IARS1: variants seen among roughly 807,000 people sequenced by gnomAD.
IARS1 encodes isoleucyl-tRNA synthetase 1.
A neutral mutation model predicts 168.2 loss-of-function variants in IARS1; 124 were observed. The ratio of observed to expected loss-of-function variants is 0.74; its 90% CI spans 0.64 to 0.86. The LOEUF is 0.86. Ranked by LOEUF, IARS1 falls within the 40% of genes least tolerant of loss-of-function variation. The probability of loss-of-function intolerance (pLI) is 0.00; values close to 1 mark genes in which losing one functional copy is unlikely to be tolerated. For missense variants in IARS1, 1,452 were observed against 1,515.8 expected (o/e 0.96, Z 0.70); for synonymous variants, 532 against 529.4 (o/e 1.00, Z -0.07).
At chr9:92,255,111 C>T (rs1378033032) in intron 20 of IARS1, among the ~76,000 whole-genome samples, 1 of 152,204 alleles carries the variant, frequency 6.6e-6, no homozygotes, top group Non-Finnish European at 1.5e-5. Flanking sequence ...GGGCAGCACT[C>T]AGCCTCACAC....
rs533775614 is a variant in IARS1 at position 92,249,765 on chromosome 9, A to T, written c.2616+93T>A. 3 of 630,206 alleles carry T rather than the reference A, an allele frequency of 4.8e-6. No homozygotes were observed. The African/African-American group carries it at 5.6e-5, about 12-fold the overall frequency. The allele number at this position is 630,206 out of a possible 1,614,324, so 39.0% of individuals were successfully genotyped here. A position where few individuals can be genotyped will look rare whatever the true frequency, so the allele number is the denominator to read the frequency against. ...TTGTTATGACTATACTAATAAAAAT[A>T]AATTATAGAGTCAATATGTACTTTG... On this transcript the variant is annotated intron_variant, in intron 25 of 33. Coordinates refer to ENST00000443024, the MANE Select transcript of IARS1 (RefSeq NM_002161.6).
rs1273365554 is a variant in IARS1, at chr9:92,265,513, G to C, written c.1472C>G (p.Ser491Ter). ...IGSVAELEEL[S>*]GAKISDLHRE... ...GTGGAGATCTGAGATCTTTGCTCCT[G>C]ACAGTTCTTCAAGTTCCGCCACTGA... is the stretch of plus-strand genomic sequence containing the variant. The change falls in exon 15 of 34, where the codon TCA becomes TGA. Residue 491 changes from serine (S) to a stop codon, truncating the protein, a stop_gained. Coordinates refer to ENST00000443024, the MANE Select transcript of IARS1 (RefSeq NM_002161.6). LOFTEE classifies it high-confidence loss of function. The C allele has an allele frequency of 7.4e-6, 12 of 1,613,354 alleles. No homozygotes were observed. The highest frequency in any genetic ancestry group is 9.3e-6 in the Non-Finnish European group (11 of 1,179,756).
rs779315915 is a variant in IARS1 at position 92,251,877 on chromosome 9, A to C, written c.2238T>G (p.Asn746Lys). ...GGGCCATGACACAATCCTCCATCCC[A>C]TTTTCACCCTAATGAGTAAAAAGGA... ...RMNRRRLKGE[N>K]GMEDCVMALE... Residue 746 changes from asparagine (N) to lysine (K), a missense_variant, in exon 22 of 34, where the codon AAT becomes AAG. Transcript: ENST00000443024. 6.2e-7 allele frequency: 1 copy of C among 1,610,788 alleles called. No individual in the cohort carries two copies. Among genetic ancestry groups the C allele is most frequent in the East Asian group, 2.2e-5 (1 of 44,868 alleles).
At chr9:92,211,320 G>A (rs1234187633) in intron 33 of IARS1, among the ~76,000 whole-genome samples, 4 of 152,048 alleles carry the variant, frequency 2.6e-5, no homozygotes, top group Admixed American at 1.3e-4. Context: ...TAAGGGATGA[G>A]AGGAAGAAAC....
rs569990340 is a variant in IARS1 at position 92,243,494 on chromosome 9, CCT to C, written c.2905-185_2905-184del. ...AGGTACTTCTTCATAATCAGCTAGTCCTCTGTCTCTGGAGAAAGGTGTGCAGG... is the reference window on the plus strand; with the variant it reads ...AGGTACTTCTTCATAATCAGCTAGTCCTGTCTCTGGAGAAAGGTGTGCAGG... On this transcript the variant is annotated intron_variant, in intron 27 of 33. Transcript: ENST00000443024. 7.0e-5 allele frequency: 35 copies of C among 503,344 alleles called. No individual in the cohort carries two copies. In the East Asian group the frequency reaches 1.1e-3, roughly 16 times the overall value. 31.2% of individuals were successfully genotyped at this position (503,344 alleles called of 1,614,324 possible). A position where few individuals can be genotyped will look rare whatever the true frequency, so the allele number is the denominator to read the frequency against.
At chr9:92,214,541 T>C (rs1216245352) in intron 33 of IARS1, among the ~76,000 whole-genome samples, 1 of 152,146 alleles carries the variant, frequency 6.6e-6, no homozygotes, top group Non-Finnish European at 1.5e-5. Flanking sequence ...TGCCAGACAG[T>C]GGGCGCAGGT....
At chr9:92,286,231 G>A in intron 5 of IARS1, 1 of 291,168 alleles carries the variant, frequency 3.4e-6, no homozygotes, top group East Asian at 7.1e-5. Flanking sequence ...GCCAAGCATG[G>A]TGGCGGGCGC....
At chr9:92,269,858 T>A in intron 13 of IARS1, 27 bp downstream of exon 13, 1 of 1,477,776 alleles carries the variant, frequency 6.8e-7, no homozygotes, top group Non-Finnish European at 9.5e-7. Context: ...CAAAAGACAC[T>A]ATGAAGAAAC....
At chr9:92,277,056 C>T (rs898484244) in intron 9 of IARS1, among the ~76,000 whole-genome samples, 2 of 148,674 alleles carry the variant, frequency 1.3e-5, no homozygotes, top group African/African-American at 5.1e-5. Flanking sequence ...TTTGTCAAAA[C>T]AAACAAACAA....
At chr9:92,237,442 C>T (rs1728070854) in intron 30 of IARS1, among the ~76,000 whole-genome samples, 2 of 152,130 alleles carry the variant, frequency 1.3e-5, no homozygotes, top group Non-Finnish European at 2.9e-5. Flanking sequence ...TTTTATGGCC[C>T]AGGTTATAAT....
chr9:92,288,042 C>A, intron 3 of IARS1, 84 bp downstream of exon 3: 1 of 1,522,420 alleles, frequency 6.6e-7, no homozygotes, highest in East Asian at 2.3e-5. Flanking sequence ...AGTCAACGTT[C>A]ATCATACTTG....
At chr9:92,224,200 G>A (rs1825267847) in intron 31 of IARS1, among the ~76,000 whole-genome samples, 1 of 152,156 alleles carries the variant, frequency 6.6e-6, no homozygotes, top group Admixed American at 6.5e-5. Context: ...AACATTTTAG[G>A]GCTTGCTGTG....
intron 12 of IARS1, 139 bp downstream of exon 12, chr9:92,270,846 G>A: frequency 1.9e-6 from 1 of 513,310 alleles, no homozygotes; most frequent in Non-Finnish European, 3.4e-6. Flanking sequence ...TAAAAATGAA[G>A]TAAGAAGGTG....
intron 31 of IARS1, among the ~76,000 whole-genome samples, chr9:92,227,817 T>A (rs1421142108): frequency 2.2e-5 from 3 of 134,244 alleles, no homozygotes; most frequent in Admixed American, 7.4e-5. Flanking sequence ...CTAGATGGGA[T>A]GGCGGCCGGG....
intron 10 of IARS1, among the ~76,000 whole-genome samples, chr9:92,273,139 A>T (rs975934930): frequency 2.0e-5 from 3 of 151,600 alleles, no homozygotes; most frequent in African/African-American, 7.3e-5. Flanking sequence ...TCTCAAAAAA[A>T]AAAAAAAAAA....
Position 92,281,972 on chromosome 9 carries a change from C to A in IARS1, c.598-1079G>T, listed in dbSNP as rs182120917. Among the ~76,000 whole-genome samples, 171 of 152,054 alleles carry A rather than the reference C, an allele frequency of 1.1e-3. 1 individual carries two copies. Among genetic ancestry groups the A allele is most frequent in the African/African-American group, 3.9e-3 (163 of 41,470 alleles). On this transcript the variant is annotated intron_variant, in intron 6 of 33. Transcript: ENST00000443024. ...ATGTAGGTCTTTTTTGTTTTTCTTT[C>A]CTTCTTTTTTTCTTGTTAACTATAA...
At chr9:92,274,701 A>C (rs1833554073) in intron 9 of IARS1, among the ~76,000 whole-genome samples, 180 bp from the exon 10 acceptor site, 1 of 152,240 alleles carries the variant, frequency 6.6e-6, no homozygotes, top group African/African-American at 2.4e-5. Context: ...CATTTTTCCC[A>C]TAAATAAAAA....
chr9:92,214,510 C>G (rs555201831), intron 33 of IARS1, among the ~76,000 whole-genome samples: 1 of 152,166 alleles, frequency 6.6e-6, no homozygotes, highest in Non-Finnish European at 1.5e-5. Context: ...TCTGAGGTAC[C>G]GGGTTCATCT....
intron 4 of IARS1, 137 bp downstream of exon 4, chr9:92,287,654 T>G: frequency 1.1e-6 from 1 of 883,104 alleles, no homozygotes; most frequent in South Asian, 2.0e-5. Flanking sequence ...GTTTAAGTAA[T>G]AGGGTTGAAG....
Sources: allele counts gnomAD v4.1 joint callset (sites outside exome capture counted in the v4.1 genomes callset), GRCh38; gene constraint gnomAD v4.1.1; transcripts MANE v1.5; gene names NCBI Gene and HGNC (gene_info 2026-07-23, HGNC 2026-07-21).